Variants in CLYBL observed in about 807,000 individuals in gnomAD.
The protein encoded by CLYBL is citramalyl-CoA lyase, mitochondrial.
CLYBL carries 31 observed loss-of-function variants against 38.9 expected under a neutral mutation model. The observed-to-expected ratio is 0.80, with a 90% CI of 0.60 to 1.08. The LOEUF is 1.08. CLYBL is among the 50% of genes least tolerant of loss of function. CLYBL has a pLI of 0.00. For missense variants in CLYBL, 434 were observed against 411.6 expected (o/e 1.05, Z -0.47); for synonymous variants, 171 against 158.6 (o/e 1.08, Z -0.59).
At chr13:99,798,980 T>A (rs117709054) in intron 2 of CLYBL, among the ~76,000 whole-genome samples, 4,122 of 152,348 alleles carry the variant, frequency 0.027, 80 homozygotes, top group Non-Finnish European at 0.045. Flanking sequence ...GATTAGCATT[T>A]TTTGACAATA....
At chr13:99,653,399 A>T (rs2047283614) in intron 1 of CLYBL, among the ~76,000 whole-genome samples, 2 of 151,860 alleles carry the variant, frequency 1.3e-5, no homozygotes, top group Non-Finnish European at 1.5e-5. Context: ...CCTGTATATA[A>T]GGGGGAGCAC....
chr13:99,720,593 A>G (rs1310690852), intron 1 of CLYBL, among the ~76,000 whole-genome samples: 2 of 152,152 alleles, frequency 1.3e-5, no homozygotes, highest in African/African-American at 4.8e-5. Context: ...TGTATGGAGA[A>G]CGTGTTTATT....
intron 1 of CLYBL, chr13:99,726,548 T>C (rs2048475404): frequency 6.6e-6 from 1 of 152,150 alleles, no homozygotes; most frequent in South Asian, 2.1e-4. Context: ...AGTGGTTCCA[T>C]GGAGGCAGAG....
intron 2 of CLYBL, among the ~76,000 whole-genome samples, chr13:99,824,265 C>CCCG (rs1555313205): frequency 1.5e-5 from 2 of 130,916 alleles, no homozygotes; most frequent in Non-Finnish European, 3.3e-5. Flanking sequence ...TAGCCCCCCC[C>CCCG]ACCCACCCCC....
At chr13:99,737,321 G>A (rs927723995) in intron 1 of CLYBL, among the ~76,000 whole-genome samples, 4 of 152,182 alleles carry the variant, frequency 2.6e-5, no homozygotes, top group Non-Finnish European at 5.9e-5. Flanking sequence ...AGCCACAGTC[G>A]CTGTTATCAA....
Position 99,865,067 on chromosome 13 carries a change from TC to T in CLYBL, c.634+158del. 1.5e-6 allele frequency: 1 copy of T among 683,206 alleles called. No homozygotes were observed. The highest frequency in any genetic ancestry group is 1.5e-5 in the South Asian group (1 of 66,826). The allele number at this position is 683,206 out of a possible 1,614,324, so 42.3% of individuals were successfully genotyped here. On this transcript the variant is annotated intron_variant, in intron 5 of 8. Coordinates refer to ENST00000339105, the MANE Select transcript of CLYBL (RefSeq NM_206808.5). This position sits in a 1 kb window ranked among gnomAD's most constrained non-coding sequence, Gnocchi z 4.7. ...TCATGACAATGGAATGGACACTACTTCCTGATAATTTAGGGCTCCTCATAGC... is the reference window on the plus strand; with the variant it reads ...TCATGACAATGGAATGGACACTACTTCTGATAATTTAGGGCTCCTCATAGC...
intron 2 of CLYBL, among the ~76,000 whole-genome samples, chr13:99,834,592 A>G (rs569225617): frequency 2.0e-5 from 3 of 152,236 alleles, no homozygotes; most frequent in East Asian, 1.9e-4. Context: ...CTATCCTGGC[A>G]TATGTAGCTC....
intron 1 of CLYBL, among the ~76,000 whole-genome samples, chr13:99,735,175 T>C (rs1240359969): frequency 2.0e-5 from 3 of 152,146 alleles, no homozygotes; most frequent in Non-Finnish European, 4.4e-5. Flanking sequence ...CTGTTTTAGC[T>C]TTTTGTTGTT....
chr13:99,835,145 G>T (rs772261337), intron 2 of CLYBL, among the ~76,000 whole-genome samples: 1 of 152,180 alleles, frequency 6.6e-6, no homozygotes, highest in Non-Finnish European at 1.5e-5. Flanking sequence ...TGTTCTCACC[G>T]TCGCCTCTAC....
chr13:99,777,175 C>G (rs918291999), intron 2 of CLYBL, among the ~76,000 whole-genome samples: 7 of 151,696 alleles, frequency 4.6e-5, no homozygotes, highest in Non-Finnish European at 8.8e-5. Context: ...ACCCAGCCCC[C>G]ACGCCCAACC....
intron 1 of CLYBL, among the ~76,000 whole-genome samples, chr13:99,615,786 T>G (rs1594084097): frequency 6.6e-6 from 1 of 152,278 alleles, no homozygotes; most frequent in Non-Finnish European, 1.5e-5. Flanking sequence ...CCATCCTCCC[T>G]ACCATAAACC....
At chr13:99,610,671 A>G (rs2046612581) in intron 1 of CLYBL, among the ~76,000 whole-genome samples, 1 of 152,186 alleles carries the variant, frequency 6.6e-6, no homozygotes, top group African/African-American at 2.4e-5. Context: ...CTGCTTCCAC[A>G]GAGACTGAAG....
At chr13:99,792,179 C>T (rs181888501) in intron 2 of CLYBL, among the ~76,000 whole-genome samples, 25 of 152,098 alleles carry the variant, frequency 1.6e-4, no homozygotes, top group Non-Finnish European at 2.4e-4. Flanking sequence ...GAGCAGTTCT[C>T]GGAAGAAAGG....
intron 8 of CLYBL, among the ~76,000 whole-genome samples, chr13:99,905,127 T>C (rs772117140): frequency 6.6e-6 from 1 of 152,228 alleles, no homozygotes; most frequent in African/African-American, 2.4e-5. Flanking sequence ...GCCGAGGACC[T>C]CCTGGGAGAG....
intron 1 of CLYBL, among the ~76,000 whole-genome samples, chr13:99,674,062 G>A (rs951746695): frequency 4.6e-5 from 7 of 151,710 alleles, no homozygotes; most frequent in Non-Finnish European, 8.8e-5. Flanking sequence ...TGGGGTAGGG[G>A]TGGAGGTCAA....
intron 2 of CLYBL, among the ~76,000 whole-genome samples, chr13:99,800,496 T>G (rs1163474002): frequency 6.6e-6 from 1 of 152,164 alleles, no homozygotes; most frequent in East Asian, 1.9e-4. Flanking sequence ...GGATACTGCT[T>G]GGGCCTGATT....
intron 1 of CLYBL, among the ~76,000 whole-genome samples, chr13:99,677,196 T>C (rs559999281): frequency 1.3e-5 from 2 of 152,326 alleles, no homozygotes; most frequent in African/African-American, 4.8e-5. Context: ...CATTGGCGTA[T>C]TGAAAAGATC....
intron 1 of CLYBL, among the ~76,000 whole-genome samples, chr13:99,670,491 T>C (rs2139361122): frequency 6.6e-6 from 1 of 152,262 alleles, no homozygotes; most frequent in East Asian, 1.9e-4. Context: ...TTACCTGCAG[T>C]TTCTAGACAC....
chr13:99,904,539 A>G (rs1218784767), intron 8 of CLYBL, among the ~76,000 whole-genome samples: 30 of 152,226 alleles, frequency 2.0e-4, no homozygotes, highest in Non-Finnish European at 2.9e-5. Flanking sequence ...TGAAATAGCC[A>G]TCATGTTGAA....
Sources: allele counts gnomAD v4.1 joint callset (sites outside exome capture counted in the v4.1 genomes callset), GRCh38; gene constraint gnomAD v4.1.1; non-coding constraint Gnocchi (gnomAD v3.1); transcripts MANE v1.5; gene names NCBI Gene and HGNC (gene_info 2026-07-23, HGNC 2026-07-21).